The following CALN1 variants were observed in gnomAD, a reference collection of about 807,000 sequenced individuals.
The protein encoded by CALN1 is calcium-binding protein 8.
CALN1 carries 17 observed loss-of-function variants against 30.6 expected under a neutral mutation model. The observed-to-expected ratio is 0.56, with a 90% CI of 0.38 to 0.83. The LOEUF (loss-of-function observed/expected upper bound fraction) is 0.83, where lower values mean the gene tolerates loss of function less well. Among genes scored for constraint, CALN1 ranks in the 40% least tolerant of loss-of-function variants. The probability of loss-of-function intolerance (pLI) is 0.00; values close to 1 mark genes in which losing one functional copy is unlikely to be tolerated. For missense variants in CALN1, 291 were observed against 354.9 expected, an observed-to-expected ratio of 0.82 and a Z score of 1.45; for synonymous variants, 156 against 131.4, an observed-to-expected ratio of 1.19 and a Z score of -1.28.
intron 3 of CALN1, among the ~76,000 whole-genome samples, chr7:72,119,301 G>A (rs1030267785): frequency 2.0e-5 from 3 of 150,482 alleles, no homozygotes; most frequent in African/African-American, 7.3e-5. Flanking sequence ...GCAGAAAAGA[G>A]AAGAGAGAGG....
At position 72,165,408 on chromosome 7, in the gene CALN1, T is replaced by A. The variant is rs1312460983; in HGVS notation, c.245-59114A>T. Among the ~76,000 whole-genome samples, 5 of 151,278 alleles carry A rather than the reference T, an allele frequency of 3.3e-5. No individual in the cohort carries two copies. In the East Asian group the frequency reaches 9.8e-4, roughly 30 times the overall value. ...GACTGCGTTCCTACTAAAAATACAA[T>A]AAATTAGCCAGGCATGGTGGTGCAT... On this transcript the variant is annotated intron_variant, in intron 3 of 6. Coordinates refer to ENST00000395275, the MANE Select transcript of CALN1 (RefSeq NM_031468.4).
At chr7:72,279,577 G>C (rs943867984) in intron 2 of CALN1, among the ~76,000 whole-genome samples, 7 of 152,196 alleles carry the variant, frequency 4.6e-5, no homozygotes, top group African/African-American at 1.7e-4. Context: ...GTCATCAATG[G>C]GGCTTAGAAG....
At chr7:71,832,633 C>T (rs1789357922) in intron 5 of CALN1, among the ~76,000 whole-genome samples, 1 of 152,156 alleles carries the variant, frequency 6.6e-6, no homozygotes, top group African/African-American at 2.4e-5. Context: ...GACAGTCTTG[C>T]TCTGTCGCCA....
intron 4 of CALN1, among the ~76,000 whole-genome samples, chr7:72,101,412 G>C (rs1806656530): frequency 6.6e-6 from 1 of 152,156 alleles, no homozygotes; most frequent in Non-Finnish European, 1.5e-5. Flanking sequence ...AGATCTTGCT[G>C]TAAAAGGTGT....
intron 2 of CALN1, among the ~76,000 whole-genome samples, chr7:72,302,239 G>C (rs1219007693): frequency 6.6e-6 from 1 of 152,120 alleles, no homozygotes; most frequent in African/African-American, 2.4e-5. Context: ...ATGCCTGTCA[G>C]CTGCTATATG....
intron 5 of CALN1, among the ~76,000 whole-genome samples, chr7:71,828,040 C>A (rs1009346885): frequency 9.2e-5 from 14 of 152,198 alleles, no homozygotes; most frequent in Admixed American, 2.6e-4. Flanking sequence ...ATAAACGTTT[C>A]TCCTTTTAAA....
intron 4 of CALN1, among the ~76,000 whole-genome samples, chr7:72,055,876 C>A (rs1010892236): frequency 6.6e-6 from 1 of 152,048 alleles, no homozygotes. Context: ...AAAAAATTAG[C>A]CAGTCTTGGT....
intron 4 of CALN1, among the ~76,000 whole-genome samples, chr7:72,033,005 T>C (rs939141201): frequency 6.6e-6 from 1 of 152,222 alleles, no homozygotes; most frequent in Non-Finnish European, 1.5e-5. Context: ...TAAATTCTTT[T>C]ATCACTCTTG....
At chr7:71,940,683 A>G (rs1299991138) in intron 5 of CALN1, among the ~76,000 whole-genome samples, 2 of 152,068 alleles carry the variant, frequency 1.3e-5, no homozygotes, top group African/African-American at 2.4e-5. Flanking sequence ...AGCTCATTGC[A>G]ACCTCCACCT....
chr7:72,283,288 G>T (rs897387599), intron 2 of CALN1, among the ~76,000 whole-genome samples: 3 of 152,154 alleles, frequency 2.0e-5, no homozygotes, highest in African/African-American at 7.2e-5. Context: ...ACTTTGGGAG[G>T]CCAAGGAGGG....
chr7:72,116,890 T>C (rs920479967), intron 3 of CALN1, among the ~76,000 whole-genome samples: 15 of 152,212 alleles, frequency 9.9e-5, no homozygotes, highest in Admixed American at 1.3e-4. Flanking sequence ...AGTCAAGTTA[T>C]AGTTTAATTT....
intron 3 of CALN1, among the ~76,000 whole-genome samples, chr7:72,208,965 CCCTT>C (rs1202616307): frequency 6.6e-6 from 1 of 151,878 alleles, no homozygotes; most frequent in Non-Finnish European, 1.5e-5. Context: ...CTCCCTCCCT[CCCTT>C]TCCTTCCTTT....
intron 3 of CALN1, among the ~76,000 whole-genome samples, chr7:72,249,638 CA>C (rs1562794405): frequency 6.6e-6 from 1 of 152,024 alleles, no homozygotes; most frequent in African/African-American, 2.4e-5. Context: ...CCTGTCTCTA[CA>C]AAAAATACAA....
intron 3 of CALN1, among the ~76,000 whole-genome samples, chr7:72,194,040 G>A (rs556766256): frequency 1.3e-5 from 2 of 152,256 alleles, no homozygotes; most frequent in East Asian, 3.9e-4. Context: ...CAAAATCTCA[G>A]AAATCACCAC....
chr7:72,006,654 A>C (rs540615998), intron 5 of CALN1, among the ~76,000 whole-genome samples: 1 of 152,310 alleles, frequency 6.6e-6, no homozygotes, highest in South Asian at 2.1e-4. Flanking sequence ...GTTAGTATTA[A>C]TATTAGAAAA....
At chr7:72,347,957 CCT>C (rs1241113222) in intron 2 of CALN1, among the ~76,000 whole-genome samples, 1 of 151,966 alleles carries the variant, frequency 6.6e-6, no homozygotes, top group Non-Finnish European at 1.5e-5. Flanking sequence ...ATGCTGAGAC[CCT>C]GTCTCTACTA....
chr7:72,055,457 T>G (rs1803191403), intron 4 of CALN1, among the ~76,000 whole-genome samples: 1 of 152,118 alleles, frequency 6.6e-6, no homozygotes. Context: ...AAAGGCAGAA[T>G]TAGTTAACTG....
intron 1 of CALN1, among the ~76,000 whole-genome samples, chr7:72,435,235 T>TA (rs1808112860): frequency 8.8e-6 from 1 of 114,220 alleles, no homozygotes; most frequent in Non-Finnish European, 1.8e-5. Context: ...ATCCAGTCTC[T>TA]AAGGAAAAAA....
At chr7:72,394,179 C>CT (rs1491562340) in intron 2 of CALN1, among the ~76,000 whole-genome samples, 1 of 152,234 alleles carries the variant, frequency 6.6e-6, no homozygotes, top group Admixed American at 6.5e-5. Context: ...ATCCTGCACC[C>CT]TCTCACTTCC....
Sources: allele counts gnomAD v4.1 joint callset (sites outside exome capture counted in the v4.1 genomes callset), GRCh38; gene constraint gnomAD v4.1.1; transcripts MANE v1.5; gene names NCBI Gene and HGNC (gene_info 2026-07-23, HGNC 2026-07-21).